RAB38: variants seen among roughly 807,000 people sequenced by gnomAD.
RAB38 encodes the protein ras-related protein Rab-38.
In RAB38, 15 loss-of-function variants were observed where a neutral mutation model predicts 18.4. The ratio of observed to expected loss-of-function variants is 0.82; its 90% confidence interval spans 0.55 to 1.26. The LOEUF (loss-of-function observed/expected upper bound fraction) is 1.26, where lower values mean the gene tolerates loss of function less well. RAB38 is among the 50% of genes most tolerant of loss of function. The pLI is 0.00. For missense variants in RAB38, 294 were observed against 267.4 expected, an observed-to-expected ratio of 1.10 and a Z score of -0.69; for synonymous variants, 101 against 104.4, an observed-to-expected ratio of 0.97 and a Z score of 0.20.
chr11:88,048,578 A>G, the RAB38 span, among the ~76,000 whole-genome samples: 3 of 152,136 alleles, frequency 2.0e-5, no homozygotes, highest in African/African-American at 7.2e-5. Flanking sequence ...CAGCCCATTT[A>G]AGCTCCTGTA....
the RAB38 span, among the ~76,000 whole-genome samples, chr11:88,065,268 A>G: frequency 6.6e-6 from 1 of 152,340 alleles, no homozygotes; most frequent in African/African-American, 2.4e-5. Context: ...CTAATATTTT[A>G]TTTATAATTC....
At chr11:88,140,313 C>A (rs140888777) in intron 2 of RAB38, among the ~76,000 whole-genome samples, 5 of 152,254 alleles carry the variant, frequency 3.3e-5, no homozygotes, top group African/African-American at 1.2e-4. Context: ...GGAACTACAG[C>A]AATAAATTAA....
chr11:87,845,588 A>G, the RAB38 span, among the ~76,000 whole-genome samples: 77 of 152,222 alleles, frequency 5.1e-4, 2 homozygotes, highest in South Asian at 0.016. Context: ...GAAGCTCCAA[A>G]AAAGGGGTGG....
chr11:88,111,810 G>A (rs1024128727), downstream of RAB38, among the ~76,000 whole-genome samples: 22 of 152,210 alleles, frequency 1.4e-4, no homozygotes, highest in African/African-American at 4.6e-4. Context: ...CTTTAGTAAA[G>A]TGATTGTCTT....
chr11:88,062,139 G>A, the RAB38 span: 2 of 151,866 alleles, frequency 1.3e-5, no homozygotes, highest in African/African-American at 2.4e-5. Context: ...TGTCCCCACC[G>A]AAATCTCATC....
the RAB38 span, among the ~76,000 whole-genome samples, chr11:87,917,449 G>T: frequency 9.9e-5 from 15 of 151,232 alleles, no homozygotes; most frequent in Admixed American, 3.3e-4. Flanking sequence ...ATAAATTATG[G>T]TGATACATTA....
the RAB38 span, among the ~76,000 whole-genome samples, chr11:87,902,846 A>G: frequency 2.7e-5 from 4 of 150,632 alleles, no homozygotes; most frequent in Non-Finnish European, 5.9e-5. Context: ...TTATATGTAT[A>G]TTTTATATAT....
intron 1 of RAB38, among the ~76,000 whole-genome samples, chr11:88,161,591 G>T (rs1366671098): frequency 1.3e-5 from 2 of 152,184 alleles, no homozygotes; most frequent in East Asian, 3.9e-4. Context: ...TACAATAAGA[G>T]CTCAAGATTT....
the RAB38 span, among the ~76,000 whole-genome samples, chr11:88,055,985 G>T: frequency 6.6e-6 from 1 of 151,878 alleles, no homozygotes; most frequent in African/African-American, 2.4e-5. Flanking sequence ...TGCTACTTAG[G>T]TGCCATTTTA....
chr11:87,972,245 C>A, the RAB38 span, among the ~76,000 whole-genome samples: 1 of 152,034 alleles, frequency 6.6e-6, no homozygotes, highest in African/African-American at 2.4e-5. Flanking sequence ...GATTACACCT[C>A]CTCTACCTTT....
intron 1 of RAB38, among the ~76,000 whole-genome samples, chr11:88,157,451 A>T (rs1474716746): frequency 1.3e-5 from 2 of 152,200 alleles, no homozygotes; most frequent in African/African-American, 4.8e-5. Flanking sequence ...GCAGAAAACT[A>T]ACAAAGAAAT....
At chr11:87,817,441 C>A in the RAB38 span, 1 of 152,108 alleles carries the variant, frequency 6.6e-6, no homozygotes, top group Non-Finnish European at 1.5e-5. Flanking sequence ...ATTTAAGCAG[C>A]ATCATTTGTT....
chr11:88,175,327 C>A lies in RAB38; in HGVS notation c.58G>T (p.Val20Leu). Reference sequence around the variant, plus strand: ...CGCTTGATGATACTGGTCTTCCCCACGCCCAGGTCGCCAATCACCAGCAAC... The same window carrying A: ...CGCTTGATGATACTGGTCTTCCCCAAGCCCAGGTCGCCAATCACCAGCAAC... The part of the protein sequence containing the change: ...YKLLVIGDLG[V>L]GKTSIIKRYV... The change falls in exon 1 of 3, where the codon GTG becomes TTG. Residue 20 changes from valine (V) to leucine (L), a missense_variant. By Grantham distance (32) the Val-to-Leu change is conservative (BLOSUM62 1). Transcript: ENST00000243662. The A allele has an allele frequency of 6.2e-7, 1 of 1,614,228 alleles. No individual in the cohort carries two copies. The highest frequency in any genetic ancestry group is 1.1e-5 in the South Asian group (1 of 91,090).
chr11:88,163,659 A>C (rs780213921), intron 1 of RAB38, among the ~76,000 whole-genome samples: 12 of 152,156 alleles, frequency 7.9e-5, no homozygotes, highest in Non-Finnish European at 1.8e-4. Flanking sequence ...TATTGACTTT[A>C]TTGTTGTTCA....
At chr11:87,898,740 C>T in the RAB38 span, among the ~76,000 whole-genome samples, 1 of 151,610 alleles carries the variant, frequency 6.6e-6, no homozygotes, top group Non-Finnish European at 1.5e-5. Context: ...TCACTGGTTC[C>T]CAACTGTGCT....
the RAB38 span, among the ~76,000 whole-genome samples, chr11:88,058,041 C>A: frequency 6.6e-6 from 1 of 152,124 alleles, no homozygotes; most frequent in African/African-American, 2.4e-5. Flanking sequence ...ACAGCCAAAA[C>A]AAGAAGGAAA....
At chr11:88,055,578 A>G in the RAB38 span, among the ~76,000 whole-genome samples, 1 of 152,352 alleles carries the variant, frequency 6.6e-6, no homozygotes, top group South Asian at 2.1e-4. Context: ...GAAAAGCTTT[A>G]TCATGAAAGA....
At chr11:88,142,903 T>G (rs1357032774) in intron 2 of RAB38, among the ~76,000 whole-genome samples, 1 of 152,238 alleles carries the variant, frequency 6.6e-6, no homozygotes, top group Non-Finnish European at 1.5e-5. Flanking sequence ...TTGTCACATT[T>G]CTTGGAAGAC....
intron 2 of RAB38, among the ~76,000 whole-genome samples, chr11:88,123,241 C>A (rs1486661856): frequency 6.6e-6 from 1 of 152,158 alleles, no homozygotes; most frequent in African/African-American, 2.4e-5. Flanking sequence ...GTATCCTCTA[C>A]TGGACTGGGA....
Sources: gnomAD v4.1 joint callset for allele counts (sites outside exome capture counted in the v4.1 genomes callset) on GRCh38, gnomAD v4.1.1 for gene constraint, MANE v1.5 for transcripts, NCBI Gene and HGNC (gene_info 2026-07-23, HGNC 2026-07-21) for gene names.